The following PLEK variants were observed in gnomAD, a reference collection of about 807,000 sequenced individuals.
The protein encoded by PLEK is pleckstrin.
A neutral mutation model predicts 43.9 loss-of-function variants in PLEK; 25 were observed. That is an observed-to-expected ratio of 0.57 (90% CI 0.41 to 0.79). The LOEUF (loss-of-function observed/expected upper bound fraction) is 0.79. PLEK is among the 30% of genes least tolerant of loss of function. PLEK has a pLI of 0.00. For synonymous variants in PLEK, 152 were observed against 144.4 expected, an observed-to-expected ratio of 1.05 and a Z score of -0.38; for missense variants, 396 against 413.3, an observed-to-expected ratio of 0.96 and a Z score of 0.36.
intron 7 of PLEK, 61 bp from the exon 8 acceptor site, chr2:68,394,046 G>C (rs1673911007): frequency 9.4e-7 from 1 of 1,058,830 alleles, no homozygotes. Flanking sequence ...TCACCAAGAG[G>C]ATGAGGTCTA....
Position 68,393,167 on chromosome 2 carries a change from T to C in PLEK, c.768T>C (p.His256=), listed in dbSNP as rs770964704. ...IKQGCLLKQG[H]RRKNWKVRKF... ...AATGTTGATCCTGGATACAGGGGCA[T>C]AGAAGGAAAAACTGGAAAGTGAGGA... The change falls in exon 7 of 9, where the codon CAT becomes CAC. Residue 256 remains histidine, a synonymous_variant. Coordinates refer to ENST00000234313, the MANE Select transcript of PLEK (RefSeq NM_002664.3). The C allele has an allele frequency of 2.5e-6, 4 of 1,605,768 alleles. No individual in the cohort carries two copies. Among genetic ancestry groups the C allele is most frequent in the Non-Finnish European group, 3.4e-6 (4 of 1,172,358 alleles).
intron 4 of PLEK, among the ~76,000 whole-genome samples, chr2:68,383,034 G>A (rs1207218540): frequency 6.6e-6 from 1 of 152,178 alleles, no homozygotes; most frequent in African/African-American, 2.4e-5. Flanking sequence ...AGGCTGCACA[G>A]GGTCAGGTAT....
chr2:68,391,552 C>T (rs1673859498), intron 6 of PLEK, among the ~76,000 whole-genome samples: 1 of 152,218 alleles, frequency 6.6e-6, no homozygotes, highest in African/African-American at 2.4e-5. Flanking sequence ...GTTCCAGCTC[C>T]ATCCTTCAGG....
Position 68,382,564 on chromosome 2 carries a change from G to T in PLEK, c.403G>T (p.Asp135Tyr), listed in dbSNP as rs368049493. 6.3e-6 allele frequency: 10 copies of T among 1,593,840 alleles called. No homozygotes were observed. The highest frequency in any genetic ancestry group is 5.4e-5 in the African/African-American group (4 of 74,448). ...DLGALYLSMK[D>Y]TEKGIKELNL... ...CAGTGCCTTATATTTGTCCATGAAA[G>T]ACACTGAAAAAGGAATAAAAGAACT... The change falls in exon 4 of 9, where the codon GAC (aspartate) becomes TAC (tyrosine). Residue 135 changes from aspartate to tyrosine, a missense_variant. Coordinates refer to ENST00000234313, the MANE Select transcript of PLEK (RefSeq NM_002664.3).
intron 1 of PLEK, among the ~76,000 whole-genome samples, chr2:68,372,363 A>T (rs1001301077): frequency 1.3e-5 from 2 of 152,102 alleles, no homozygotes; most frequent in Admixed American, 1.3e-4. Context: ...TTTAGTAGAG[A>T]CTGGCTTTCA....
chr2:68,367,307 C>T (rs1673297820), intron 1 of PLEK, among the ~76,000 whole-genome samples: 1 of 151,338 alleles, frequency 6.6e-6, no homozygotes, highest in African/African-American at 2.4e-5. Flanking sequence ...AGTATAGGTA[C>T]AGGCTTGTTA....
intron 3 of PLEK, 76 bp downstream of exon 3, chr2:68,380,980 T>G: frequency 7.9e-7 from 1 of 1,265,604 alleles, no homozygotes; most frequent in Non-Finnish European, 1.1e-6. Context: ...CTCCAAGGCT[T>G]GCTTTGACCA....
intron 4 of PLEK, among the ~76,000 whole-genome samples, chr2:68,385,507 A>C (rs191978058): frequency 6.6e-6 from 1 of 152,168 alleles, no homozygotes; most frequent in Admixed American, 6.5e-5. Flanking sequence ...ATGATTTCCC[A>C]TTAGCCAAAT....
intron 1 of PLEK, among the ~76,000 whole-genome samples, chr2:68,375,393 A>G (rs1673483600): frequency 1.3e-5 from 2 of 152,102 alleles, no homozygotes; most frequent in South Asian, 2.1e-4. Flanking sequence ...TACTTTTCTT[A>G]TTGATTTGCA....
intron 5 of PLEK, 198 bp from the exon 6 acceptor site, chr2:68,388,189 C>A (rs1045348670): frequency 5.9e-6 from 3 of 508,948 alleles, no homozygotes; most frequent in African/African-American, 3.8e-5. Context: ...AAGAAAGGAA[C>A]AGCCCCGGAA....
chr2:68,382,629 C>T lies in PLEK; in HGVS notation c.468C>T (p.Phe156=). 1 of 1,577,900 alleles carries T rather than the reference C, an allele frequency of 6.3e-7. No individual in the cohort carries two copies. Among genetic ancestry groups the T allele is most frequent in the African/African-American group, 1.3e-5 (1 of 74,228 alleles). ...EKDKKIFNHC[F]TGNCVIDWLV... ...ACAAGAAGATTTTTAATCACTGCTT[C>T]ACAGGTAAAAGCACTTGCAGGCCTG... Residue 156 remains phenylalanine (F), a synonymous_variant, in exon 4 of 9, where the codon TTC becomes TTT. Coordinates refer to ENST00000234313, the MANE Select transcript of PLEK (RefSeq NM_002664.3).
intron 1 of PLEK, 173 bp downstream of exon 1, chr2:68,365,566 A>C: frequency 3.4e-6 from 2 of 583,846 alleles, no homozygotes; most frequent in Non-Finnish European, 6.3e-6. Context: ...GGGAGTGGGG[A>C]TACTCATCCA....
At chr2:68,394,655 G>A (rs1402896566) in intron 8 of PLEK, among the ~76,000 whole-genome samples, 1 of 152,200 alleles carries the variant, frequency 6.6e-6, no homozygotes, top group Non-Finnish European at 1.5e-5. Flanking sequence ...CTTTGTGGAT[G>A]CCTCAAGCAA....
intron 3 of PLEK, among the ~76,000 whole-genome samples, chr2:68,381,405 G>A (rs1406163871): frequency 6.6e-6 from 1 of 152,200 alleles, no homozygotes. Flanking sequence ...GGAATTGCAG[G>A]TGATAGTTGT....
At chr2:68,388,340 T>C (rs1274629730) in intron 5 of PLEK, 47 bp from the exon 6 acceptor site, 1 of 1,099,204 alleles carries the variant, frequency 9.1e-7, no homozygotes, top group African/African-American at 1.5e-5. Context: ...CAAGTTGCAA[T>C]GTGCCTAAGA....
chr2:68,377,806 G>T (rs566343688), intron 1 of PLEK, among the ~76,000 whole-genome samples: 1 of 152,222 alleles, frequency 6.6e-6, no homozygotes, highest in Middle Eastern at 3.4e-3. Context: ...TTTTGCTTTG[G>T]TTGTCTGTGC....
intron 8 of PLEK, 96 bp from the exon 9 acceptor site, chr2:68,395,584 C>T (rs145846537): frequency 5.1e-5 from 68 of 1,335,648 alleles, no homozygotes; most frequent in Admixed American, 2.9e-4. Flanking sequence ...CCTTAGAACA[C>T]GAAGAAAACA....
chr2:68,383,512 A>AGCAGAGGATGGGCCAGG (rs1673674995), intron 4 of PLEK, among the ~76,000 whole-genome samples: 1 of 152,072 alleles, frequency 6.6e-6, no homozygotes, highest in Non-Finnish European at 1.5e-5. Context: ...GCAGAGGATG[A>AGCAGAGGATGGGCCAGG]GCAGAGGATG....
At chr2:68,392,136 C>T (rs1160887191) in intron 6 of PLEK, among the ~76,000 whole-genome samples, 2 of 147,274 alleles carry the variant, frequency 1.4e-5, no homozygotes, top group South Asian at 2.1e-4. Flanking sequence ...CTTCCTCTTT[C>T]CTTCCTCCTA....
Sources: gnomAD v4.1 joint callset for allele counts (sites outside exome capture counted in the v4.1 genomes callset) on GRCh38, gnomAD v4.1.1 for gene constraint, MANE v1.5 for transcripts, NCBI Gene and HGNC (gene_info 2026-07-23, HGNC 2026-07-21) for gene names.